SLC35D2: variants seen among roughly 807,000 people sequenced by gnomAD.
The protein encoded by SLC35D2 is nucleotide sugar transporter SLC35D2.
A neutral mutation model predicts 41.8 loss-of-function variants in SLC35D2; 43 were observed. The ratio of observed to expected loss-of-function variants is 1.03; its 90% CI spans 0.81 to 1.33. The LOEUF (loss-of-function observed/expected upper bound fraction) is 1.33. Ranked by LOEUF, SLC35D2 falls within the 40% of genes most tolerant of loss-of-function variation. The pLI is 0.00. For synonymous variants in SLC35D2, 150 were observed against 163.9 expected (o/e 0.92, Z 0.65); for missense variants, 380 against 408.4 (o/e 0.93, Z 0.60).
chr9:96,358,818 G>A lies in SLC35D2; in HGVS notation c.347+1336C>T, dbSNP rs555438973. Among the ~76,000 whole-genome samples the A allele has an allele frequency of 2.6e-5, 4 of 152,012 alleles. No individual in the cohort carries two copies. The East Asian group carries it at 5.8e-4, about 22-fold the overall frequency. Reference sequence around the variant, plus strand: ...AGCCTGGCCAACATGGTGAAACCCCGTCGTTACTAAAAATACAAAAATTAG... The same window carrying A: ...AGCCTGGCCAACATGGTGAAACCCCATCGTTACTAAAAATACAAAAATTAG... On this transcript the variant is annotated intron_variant, in intron 4 of 11. Coordinates refer to ENST00000253270, the MANE Select transcript of SLC35D2 (RefSeq NM_007001.3).
At chr9:96,332,073 T>C (rs529478864) in intron 9 of SLC35D2, among the ~76,000 whole-genome samples, 34 of 152,300 alleles carry the variant, frequency 2.2e-4, no homozygotes, top group Admixed American at 2.2e-3. Flanking sequence ...CCTTTCACCA[T>C]TCTGTCGGCT....
At chr9:96,371,110 T>C (rs1453023681) in intron 1 of SLC35D2, among the ~76,000 whole-genome samples, 1 of 152,170 alleles carries the variant, frequency 6.6e-6, no homozygotes, top group Non-Finnish European at 1.5e-5. Flanking sequence ...TAGAAGACTA[T>C]ATTCCATAAC....
At chr9:96,377,572 C>T (rs1045423322) in intron 1 of SLC35D2, among the ~76,000 whole-genome samples, 4 of 152,230 alleles carry the variant, frequency 2.6e-5, no homozygotes, top group Non-Finnish European at 5.9e-5. Flanking sequence ...GTATGACTCA[C>T]ATGGCAATTC....
At chr9:96,323,853 G>T (rs1327421710) in intron 10 of SLC35D2, among the ~76,000 whole-genome samples, 1 of 152,004 alleles carries the variant, frequency 6.6e-6, no homozygotes, top group African/African-American at 2.4e-5. Flanking sequence ...TCGAACCAGG[G>T]AGGTGGAGGT....
downstream of SLC35D2, among the ~76,000 whole-genome samples, chr9:96,317,981 A>C (rs1476964526): frequency 6.6e-6 from 1 of 151,156 alleles, no homozygotes; most frequent in Non-Finnish European, 1.5e-5. Flanking sequence ...GATTGTAGTG[A>C]GCCGAGATCA....
rs542215376 is a variant in SLC35D2 at position 96,347,462 on chromosome 9, T to TG, written c.489-2062dup. Among the ~76,000 whole-genome samples, 5 of 152,288 alleles carry TG rather than the reference T, an allele frequency of 3.3e-5. No individual in the cohort carries two copies. In the South Asian group the frequency reaches 1.0e-3, roughly 32 times the overall value. On this transcript the variant is annotated intron_variant, in intron 6 of 11. Transcript: ENST00000253270. ...AATTAGAGCAGATTCATGTAACCCT[T>TG]GCAGTTGTTCAAGCGATCCTCCCAT...
At chr9:96,334,525 C>A (rs1444260922) in intron 9 of SLC35D2, among the ~76,000 whole-genome samples, 1 of 152,080 alleles carries the variant, frequency 6.6e-6, no homozygotes, top group Non-Finnish European at 1.5e-5. Context: ...GTAATCCCAG[C>A]TACTCAGGAG....
At chr9:96,367,003 G>A (rs942751951) in intron 2 of SLC35D2, among the ~76,000 whole-genome samples, 3 of 150,546 alleles carry the variant, frequency 2.0e-5, no homozygotes, top group Non-Finnish European at 4.4e-5. Context: ...GGTGGATCAC[G>A]AGGTCAGGAG....
intron 4 of SLC35D2, among the ~76,000 whole-genome samples, chr9:96,352,951 T>C (rs540483263): frequency 6.6e-6 from 1 of 152,114 alleles, no homozygotes; most frequent in South Asian, 2.1e-4. Context: ...GGCAGGAGAA[T>C]TGCTTGAACC....
At chr9:96,371,471 T>C (rs1830672895) in intron 1 of SLC35D2, among the ~76,000 whole-genome samples, 1 of 7,540 alleles carries the variant, frequency 1.3e-4, no homozygotes, top group Non-Finnish European at 2.5e-4. Context: ...CGAGACTCTG[T>C]CTCAAAAAAA....
intron 1 of SLC35D2, among the ~76,000 whole-genome samples, chr9:96,369,751 CA>C (rs1194635758): frequency 1.3e-5 from 2 of 152,098 alleles, no homozygotes; most frequent in African/African-American, 2.4e-5. Flanking sequence ...CATATTTTAA[CA>C]AGGCAGGACC....
intron 3 of SLC35D2, among the ~76,000 whole-genome samples, chr9:96,361,108 G>A (rs902834567): frequency 1.3e-5 from 2 of 152,116 alleles, no homozygotes; most frequent in African/African-American, 4.8e-5. Flanking sequence ...TTTCAGGCAC[G>A]TTTGTCAGAA....
In SLC35D2 at chr9:96,321,243, T is replaced by C. The variant is rs1358513373; in HGVS notation, c.1013A>G (p.Ter338=). ...EENICLDLKS[*] ...GTCTCCAATCCTGCTGCAGACTCTT[T>C]AGCTCTTCAAATCCAAACAGATGTT... The change falls in exon 12 of 12, where the codon TAA becomes TGA. Residue 338 remains the stop codon, a stop_retained_variant. Coordinates refer to ENST00000253270, the MANE Select transcript of SLC35D2 (RefSeq NM_007001.3). The C allele has an allele frequency of 1.9e-6, 3 of 1,611,000 alleles. No individual in the cohort carries two copies. The highest frequency in any genetic ancestry group is 1.3e-5 in the African/African-American group (1 of 74,872).
At chr9:96,330,683 A>G (rs1828766092) in intron 9 of SLC35D2, among the ~76,000 whole-genome samples, 1 of 152,136 alleles carries the variant, frequency 6.6e-6, no homozygotes, top group Non-Finnish European at 1.5e-5. Flanking sequence ...AGGAAAATTA[A>G]ATCTCAGAAC....
chr9:96,358,080 T>TTTATATATATATATATATATA (rs990002916), intron 4 of SLC35D2, among the ~76,000 whole-genome samples: 17 of 122,686 alleles, frequency 1.4e-4, no homozygotes, highest in African/African-American at 6.2e-4. Context: ...ATTATATATT[T>TTTATATATATATATATATATA]TATATATATA....
At chr9:96,321,426 A>G in intron 11 of SLC35D2, 85 bp from the exon 12 acceptor site, 1 of 851,932 alleles carries the variant, frequency 1.2e-6, no homozygotes, top group Non-Finnish European at 2.0e-6. Flanking sequence ...TTATCAATAC[A>G]CCTGCTTCAT....
At chr9:96,332,384 C>T (rs1056100995) in intron 9 of SLC35D2, among the ~76,000 whole-genome samples, 1 of 152,140 alleles carries the variant, frequency 6.6e-6, no homozygotes, top group Non-Finnish European at 1.5e-5. Context: ...CATACTTTGA[C>T]TGAGAAACTA....
chr9:96,382,306 A>G (rs1446037130), intron 1 of SLC35D2, among the ~76,000 whole-genome samples: 2 of 151,860 alleles, frequency 1.3e-5, no homozygotes, highest in African/African-American at 4.8e-5. Context: ...AATCAAAAAA[A>G]TTGCCGGTGC....
At chr9:96,331,836 A>G (rs1828824174) in intron 9 of SLC35D2, among the ~76,000 whole-genome samples, 1 of 152,208 alleles carries the variant, frequency 6.6e-6, no homozygotes, top group African/African-American at 2.4e-5. Context: ...AGGTTCTCAT[A>G]GAAGCGCAAA....
Sources: allele counts gnomAD v4.1 joint callset (sites outside exome capture counted in the v4.1 genomes callset), GRCh38; gene constraint gnomAD v4.1.1; transcripts MANE v1.5; gene names NCBI Gene and HGNC (gene_info 2026-07-23, HGNC 2026-07-21).